The following PDE4D variants were observed in gnomAD, a reference collection of about 807,000 sequenced individuals.
The protein encoded by PDE4D is phosphodiesterase 4D.
In PDE4D, 24 loss-of-function variants were observed where a neutral mutation model predicts 87.4. The ratio of observed to expected loss-of-function variants is 0.27; its 90% CI spans 0.20 to 0.39. PDE4D has a LOEUF of 0.39. PDE4D is among the 10% of genes least tolerant of loss of function. The probability of loss-of-function intolerance (pLI) is 1.00; values close to 1 mark genes in which losing one functional copy is unlikely to be tolerated. For missense variants in PDE4D, 714 were observed against 1,041.0 expected (o/e 0.69, Z 4.32); for synonymous variants, 384 against 383.2 (o/e 1.00, Z -0.02).
At chr5:59,114,882 T>C (rs541454422) in intron 5 of PDE4D, among the ~76,000 whole-genome samples, 2 of 140,432 alleles carry the variant, frequency 1.4e-5, no homozygotes, top group East Asian at 2.1e-4. Context: ...GAGGAATAAG[T>C]GGGGGGAAAA....
At chr5:59,025,784 C>T (rs529001204) in intron 6 of PDE4D, among the ~76,000 whole-genome samples, 1 of 152,370 alleles carries the variant, frequency 6.6e-6, no homozygotes, top group East Asian at 1.9e-4. Flanking sequence ...TGCACTTACT[C>T]CAATATGGCA....
intron 1 of PDE4D, among the ~76,000 whole-genome samples, chr5:60,486,818 G>A (rs992615990): frequency 8.5e-5 from 13 of 152,130 alleles, no homozygotes; most frequent in Non-Finnish European, 1.6e-4. Flanking sequence ...ACATACATTT[G>A]TATCTACAGG....
chr5:59,320,381 T>C (rs981707422), intron 1 of PDE4D, among the ~76,000 whole-genome samples: 1 of 152,088 alleles, frequency 6.6e-6, no homozygotes, highest in African/African-American at 2.4e-5. Flanking sequence ...CGTTAAGATA[T>C]ATAATAACTA....
At chr5:60,457,080 C>T (rs1481667481) in intron 1 of PDE4D, among the ~76,000 whole-genome samples, 1 of 152,188 alleles carries the variant, frequency 6.6e-6, no homozygotes, top group Non-Finnish European at 1.5e-5. Context: ...CTCCTTGGAA[C>T]ACTTCGAATA....
intron 1 of PDE4D, among the ~76,000 whole-genome samples, chr5:59,627,761 G>A (rs1831065383): frequency 6.6e-6 from 1 of 152,288 alleles, no homozygotes; most frequent in South Asian, 2.1e-4. Context: ...ATGTTTGCTA[G>A]CCTTTGGTTA....
intron 1 of PDE4D, among the ~76,000 whole-genome samples, chr5:59,741,191 C>A (rs756933081): frequency 1.3e-4 from 20 of 152,136 alleles, no homozygotes; most frequent in Admixed American, 2.0e-4. Context: ...GTCTATGTCC[C>A]ACATTTTCCT....
At chr5:59,364,617 T>A (rs1217225161) in intron 1 of PDE4D, among the ~76,000 whole-genome samples, 1 of 152,284 alleles carries the variant, frequency 6.6e-6, no homozygotes, top group East Asian at 1.9e-4. Flanking sequence ...ACTATGGGCT[T>A]TTAGGTCTCA....
At chr5:60,006,148 A>AAT (rs552780627) in intron 2 of PDE4D, among the ~76,000 whole-genome samples, 7 of 151,928 alleles carry the variant, frequency 4.6e-5, no homozygotes, top group Non-Finnish European at 7.4e-5. Context: ...AGAGGAAGGA[A>AAT]ATATGGGTAA....
chr5:59,217,485 A>C (rs1751517044), intron 1 of PDE4D, among the ~76,000 whole-genome samples: 1 of 152,228 alleles, frequency 6.6e-6, no homozygotes. Flanking sequence ...TAATCCATCA[A>C]ATAAACAGAA....
intron 2 of PDE4D, among the ~76,000 whole-genome samples, chr5:60,048,743 T>C (rs1395793611): frequency 2.0e-5 from 3 of 152,138 alleles, no homozygotes; most frequent in Admixed American, 6.5e-5. Context: ...CCGCTGTTAG[T>C]CTGATGGGCT....
At chr5:60,521,540 A>C (rs1011908933) in intron 1 of PDE4D, 10 of 152,144 alleles carry the variant, frequency 6.6e-5, no homozygotes, top group African/African-American at 1.7e-4. Flanking sequence ...TGACTTGACT[A>C]AGTCACTGAA....
At chr5:59,076,793 A>C (rs2153421205) in intron 5 of PDE4D, among the ~76,000 whole-genome samples, 1 of 152,262 alleles carries the variant, frequency 6.6e-6, no homozygotes, top group Middle Eastern at 3.4e-3. Flanking sequence ...CTACTTCAAA[A>C]GCTCCAACAA....
intron 1 of PDE4D, among the ~76,000 whole-genome samples, chr5:60,439,603 A>C (rs1745030688): frequency 6.6e-6 from 1 of 152,156 alleles, no homozygotes; most frequent in African/African-American, 2.4e-5. Flanking sequence ...CACAACATCC[A>C]TGTAGATGTT....
intron 1 of PDE4D, among the ~76,000 whole-genome samples, chr5:59,508,200 T>A (rs1397311085): frequency 6.6e-6 from 1 of 152,160 alleles, no homozygotes; most frequent in Non-Finnish European, 1.5e-5. Context: ...GAGAAAGAAC[T>A]CACATTCAGA....
intron 1 of PDE4D, among the ~76,000 whole-genome samples, chr5:60,450,563 G>A (rs957798700): frequency 6.6e-6 from 1 of 151,936 alleles, no homozygotes; most frequent in Non-Finnish European, 1.5e-5. Context: ...AATAACACAA[G>A]GTTAGAGACC....
At position 58,990,822 on chromosome 5, in the gene PDE4D, G is replaced by T; in HGVS notation, c.1269C>A (p.Ile423=). The part of the protein sequence containing the change: ...ELSGNRPLTV[I]MHTIFQERDL... ...ACCTTACCTGAAAAATGGTGTGCAT[G>T]ATAACAGTCAAGGGCCGGTTACCAG... The change falls in exon 9 of 15, where the codon ATC becomes ATA. Residue 423 remains isoleucine, a synonymous_variant. Transcript: ENST00000340635. The T allele has an allele frequency of 6.3e-7, 1 of 1,589,290 alleles. No individual in the cohort carries two copies. Among genetic ancestry groups the T allele is most frequent in the Non-Finnish European group, 8.6e-7 (1 of 1,163,496 alleles).
At chr5:60,515,170 T>C (rs1314916553) in intron 1 of PDE4D, among the ~76,000 whole-genome samples, 1 of 152,168 alleles carries the variant, frequency 6.6e-6, no homozygotes, top group Non-Finnish European at 1.5e-5. Context: ...TTGTACTTTA[T>C]AGTAAGTATT....
chr5:59,794,792 G>A (rs2152654654), intron 1 of PDE4D, among the ~76,000 whole-genome samples: 1 of 152,196 alleles, frequency 6.6e-6, no homozygotes, highest in African/African-American at 2.4e-5. Flanking sequence ...AGTTTAAGAT[G>A]CCATCTCTGA....
chr5:59,455,418 C>G (rs939413753), intron 1 of PDE4D, among the ~76,000 whole-genome samples: 1 of 152,220 alleles, frequency 6.6e-6, no homozygotes, highest in Non-Finnish European at 1.5e-5. Flanking sequence ...GGTGTTGAGC[C>G]TGCAGGTGCA....
Sources: gnomAD v4.1 joint callset for allele counts (sites outside exome capture counted in the v4.1 genomes callset) on GRCh38, gnomAD v4.1.1 for gene constraint, MANE v1.5 for transcripts, NCBI Gene and HGNC (gene_info 2026-07-23, HGNC 2026-07-21) for gene names.